Variants in ZNF827 observed in about 807,000 individuals in gnomAD.
ZNF827 encodes zinc finger protein 827.
Under a neutral mutation model 102.4 loss-of-function variants are expected in ZNF827, and 13 were observed. That is an observed-to-expected ratio of 0.13 (90% confidence interval 0.08 to 0.20). ZNF827 has a LOEUF of 0.20. ZNF827 is among the 10% of genes least tolerant of loss of function. The pLI, the probability that ZNF827 is intolerant of heterozygous loss-of-function variation, is 1.00. For missense variants in ZNF827, 1,103 were observed against 1,344.4 expected (o/e 0.82, Z 2.81); for synonymous variants, 523 against 536.2 (o/e 0.98, Z 0.34).
intron 7 of ZNF827, among the ~76,000 whole-genome samples, chr4:145,842,185 C>T (rs945050567): frequency 2.0e-5 from 3 of 152,212 alleles, no homozygotes; most frequent in Admixed American, 6.5e-5. Context: ...CCTTTAGCTT[C>T]ACCTAAACCC....
At chr4:145,917,949 C>T (rs1462607905) in intron 1 of ZNF827, among the ~76,000 whole-genome samples, 4 of 152,004 alleles carry the variant, frequency 2.6e-5, no homozygotes, top group African/African-American at 9.7e-5. Context: ...TTATCCTCCA[C>T]CCAAAACTGG....
chr4:145,869,458 A>G (rs1304698048), intron 5 of ZNF827, among the ~76,000 whole-genome samples: 1 of 152,224 alleles, frequency 6.6e-6, no homozygotes, highest in Admixed American at 6.5e-5. Flanking sequence ...ATTCTGCTTA[A>G]GAGGTAATGA....
intron 1 of ZNF827, among the ~76,000 whole-genome samples, chr4:145,930,840 T>C (rs544856604): frequency 3.3e-5 from 5 of 151,034 alleles, no homozygotes; most frequent in African/African-American, 7.3e-5. Context: ...TGTGTGTGCG[T>C]GTGTGTGTGT....
chr4:145,907,365 A>G (rs1751951994), intron 1 of ZNF827: 1 of 368,824 alleles, frequency 2.7e-6, no homozygotes. Flanking sequence ...TTCACACTAC[A>G]TCGTGAGAAA....
At chr4:145,822,806 C>T (rs1021704588) in intron 8 of ZNF827, among the ~76,000 whole-genome samples, 1 of 152,102 alleles carries the variant, frequency 6.6e-6, no homozygotes, top group Non-Finnish European at 1.5e-5. Flanking sequence ...GGATAAGGAA[C>T]AGTAAGCACA....
At chr4:145,923,379 C>A (rs561442655) in intron 1 of ZNF827, among the ~76,000 whole-genome samples, 1 of 150,726 alleles carries the variant, frequency 6.6e-6, no homozygotes, top group Admixed American at 6.6e-5. Context: ...CCGAGGCAGG[C>A]GGATCACCTG....
chr4:145,925,986 ACTCT>A (rs1391314990), intron 1 of ZNF827, among the ~76,000 whole-genome samples: 1 of 152,026 alleles, frequency 6.6e-6, no homozygotes, highest in Non-Finnish European at 1.5e-5. Context: ...TATTGGTCCT[ACTCT>A]CTGTTTTCTG....
chr4:145,920,893 T>C (rs1035355463), intron 1 of ZNF827, among the ~76,000 whole-genome samples: 3 of 152,242 alleles, frequency 2.0e-5, no homozygotes, highest in Non-Finnish European at 4.4e-5. Flanking sequence ...TATAATCAGT[T>C]ACTGTTATGT....
Position 145,849,574 on chromosome 4 carries a change from G to C in ZNF827, c.1982-13C>G. The C allele has an allele frequency of 6.2e-7, 1 of 1,612,158 alleles. No homozygotes were observed. The highest frequency in any genetic ancestry group is 1.1e-5 in the South Asian group (1 of 91,006). ...TTGTAGCTTTCCGCTGCAAGTAGGT[G>C]AATGAAGAGAAACAAAAACACCACC... On this transcript the variant is annotated splice_polypyrimidine_tract_variant and intron_variant, in intron 5 of 14. Coordinates refer to ENST00000508784, the MANE Select transcript of ZNF827 (RefSeq NM_001306215.2).
At chr4:145,768,916 T>TATATATATA (rs34051922) in intron 11 of ZNF827, among the ~76,000 whole-genome samples, 1 of 34,428 alleles carries the variant, frequency 2.9e-5, no homozygotes, top group Non-Finnish European at 5.2e-5. Context: ...TATATATATA[T>TATATATATA]TAGGTATACA....
intron 7 of ZNF827, among the ~76,000 whole-genome samples, chr4:145,823,842 G>A (rs1743403164): frequency 6.6e-6 from 1 of 152,170 alleles, no homozygotes; most frequent in African/African-American, 2.4e-5. Context: ...TTCTTTCTGT[G>A]TGTTGTGCCC....
chr4:145,777,420 C>T (rs994185357), intron 9 of ZNF827, among the ~76,000 whole-genome samples: 1 of 152,184 alleles, frequency 6.6e-6, no homozygotes, highest in Non-Finnish European at 1.5e-5. Context: ...AATTTCTGGA[C>T]CTGATGCCTT....
At position 145,892,113 on chromosome 4, in the gene ZNF827, G is replaced by T. The variant is rs1013930146; in HGVS notation, c.1266+130C>A. Reference sequence around the variant, plus strand: ...CTGTTGAATTCTACCTTGCTACGTGGAGTACTGTCATCCGCATGTTTCATC... The same window carrying T: ...CTGTTGAATTCTACCTTGCTACGTGTAGTACTGTCATCCGCATGTTTCATC... On this transcript the variant is annotated intron_variant, in intron 3 of 14. Coordinates refer to ENST00000508784, the MANE Select transcript of ZNF827 (RefSeq NM_001306215.2). 3.8e-5 allele frequency: 30 copies of T among 797,928 alleles called. No individual in the cohort carries two copies. In the Admixed American group the frequency reaches 9.2e-4, roughly 25 times the overall value. The allele number at this position is 797,928 out of a possible 1,614,324, so 49.4% of individuals were successfully genotyped here.
At chr4:145,903,836 A>G (rs910085789) in intron 1 of ZNF827, among the ~76,000 whole-genome samples, 6 of 152,228 alleles carry the variant, frequency 3.9e-5, no homozygotes, top group Non-Finnish European at 8.8e-5. Flanking sequence ...TCATGTTTTG[A>G]AAACAGTCAA....
At chr4:145,818,668 T>C (rs1377281325) in intron 8 of ZNF827, among the ~76,000 whole-genome samples, 2 of 152,258 alleles carry the variant, frequency 1.3e-5, no homozygotes, top group African/African-American at 4.8e-5. Context: ...TTTATACGTG[T>C]GTCTCTCTCT....
intron 5 of ZNF827, among the ~76,000 whole-genome samples, chr4:145,852,756 T>C (rs561940495): frequency 6.6e-6 from 1 of 152,234 alleles, no homozygotes; most frequent in African/African-American, 2.4e-5. Context: ...CTAACTTTTA[T>C]TTATTTATTT....
intron 2 of ZNF827, among the ~76,000 whole-genome samples, chr4:145,898,909 C>G (rs1430073243): frequency 2.6e-5 from 4 of 152,192 alleles, no homozygotes; most frequent in Admixed American, 1.3e-4. Context: ...TAGCACATAT[C>G]TCTTTGTAAC....
At chr4:145,843,696 C>T (rs983583538) in intron 7 of ZNF827, among the ~76,000 whole-genome samples, 16 of 152,222 alleles carry the variant, frequency 1.1e-4, no homozygotes, top group African/African-American at 2.7e-4. Context: ...CCCTCTGGCA[C>T]GAATGCACCT....
Position 145,762,739 on chromosome 4 carries a change from C to A in ZNF827, c.*17+351G>T, listed in dbSNP as rs1186202672. Among the ~76,000 whole-genome samples, 1 of 152,128 alleles carries A rather than the reference C, an allele frequency of 6.6e-6. No homozygotes were observed. Among genetic ancestry groups the A allele is most frequent in the Non-Finnish European group, 1.5e-5 (1 of 68,028 alleles). On this transcript the variant is annotated intron_variant, in intron 14 of 14. Transcript: ENST00000508784. The surrounding 1 kb of genome is among the most constrained non-coding windows in gnomAD (Gnocchi z 4.9). ...ACGAGGAGTGGTGAGGCCATGTTAACAAACTCTGCTGAGCCTCTCTTTTAG... is the reference window on the plus strand; with the variant it reads ...ACGAGGAGTGGTGAGGCCATGTTAAAAAACTCTGCTGAGCCTCTCTTTTAG...
Sources: allele counts gnomAD v4.1 joint callset (sites outside exome capture counted in the v4.1 genomes callset), GRCh38; gene constraint gnomAD v4.1.1; non-coding constraint Gnocchi (gnomAD v3.1); transcripts MANE v1.5; gene names NCBI Gene and HGNC (gene_info 2026-07-23, HGNC 2026-07-21).